COBL: variants seen among roughly 807,000 people sequenced by gnomAD.
COBL encodes the protein protein cordon-bleu.
Under a neutral mutation model 98.8 loss-of-function variants are expected in COBL, and 51 were observed. The observed-to-expected ratio is 0.52, with a 90% confidence interval of 0.41 to 0.65. The LOEUF (loss-of-function observed/expected upper bound fraction) is 0.65, where lower values mean the gene tolerates loss of function less well. Among genes scored for constraint, COBL ranks in the 30% least tolerant of loss-of-function variants. The pLI, the probability that COBL is intolerant of heterozygous loss-of-function variation, is 0.00. For synonymous variants in COBL, 634 were observed against 651.7 expected, an observed-to-expected ratio of 0.97 and a Z score of 0.41; for missense variants, 1,617 against 1,617.5, an observed-to-expected ratio of 1.00 and a Z score of 0.01.
chr7:51,121,750 T>C (rs1797757621), intron 6 of COBL, among the ~76,000 whole-genome samples: 1 of 152,244 alleles, frequency 6.6e-6, no homozygotes, highest in African/African-American at 2.4e-5. Context: ...CTGATTTATA[T>C]TTGAAAACCC....
chr7:51,141,399 T>A (rs572352118), intron 5 of COBL, among the ~76,000 whole-genome samples: 30 of 152,086 alleles, frequency 2.0e-4, no homozygotes, highest in Non-Finnish European at 4.0e-4. Context: ...GGACATGATG[T>A]TTGCTGTTTT....
intron 1 of COBL, among the ~76,000 whole-genome samples, chr7:51,236,738 T>C (rs576596958): frequency 6.6e-6 from 1 of 152,154 alleles, no homozygotes; most frequent in East Asian, 1.9e-4. Flanking sequence ...AATACCTACT[T>C]CCCAGGTGCA....
At chr7:51,204,695 T>TA (rs1245610935) in intron 2 of COBL, among the ~76,000 whole-genome samples, 1 of 151,846 alleles carries the variant, frequency 6.6e-6, no homozygotes, top group African/African-American at 2.4e-5. Context: ...GGACTACAGG[T>TA]ATGCACCACC....
intron 1 of COBL, among the ~76,000 whole-genome samples, chr7:51,297,631 G>A (rs1801541830): frequency 6.6e-6 from 1 of 151,998 alleles, no homozygotes; most frequent in African/African-American, 2.4e-5. Context: ...GACCTCAGGT[G>A]ATCTGCCCGC....
intron 2 of COBL, among the ~76,000 whole-genome samples, chr7:51,199,203 T>C (rs1323406490): frequency 6.6e-6 from 1 of 152,170 alleles, no homozygotes; most frequent in African/African-American, 2.4e-5. Context: ...TTCATACCCT[T>C]GGTGACAGGT....
chr7:51,029,589 T>C lies in COBL; in HGVS notation c.1507A>G (p.Met503Val), dbSNP rs1475090100. The change falls in exon 10 of 13, where the codon ATG (methionine) becomes GTG (valine). Residue 503 changes from methionine to valine, a missense_variant and splice_region_variant. Met to Val is a conservative substitution (Grantham distance 21). This residue lies in a region of COBL where 1,304 missense variants were observed against 1,282.0 expected (regional missense o/e 1.02). Transcript: ENST00000265136. Reference protein sequence around the residue: ...LAELDEDLEEMEDSYETDTSS... With the variant: ...LAELDEDLEEVEDSYETDTSS... ...GTGTCTGTTTCATAGCTGTCTTCCATTTCTGCAAAGAGGGACAAACACAAA... is the reference window on the plus strand; with the variant it reads ...GTGTCTGTTTCATAGCTGTCTTCCACTTCTGCAAAGAGGGACAAACACAAA... The C allele has an allele frequency of 2.5e-6, 4 of 1,585,118 alleles. No individual in the cohort carries two copies. The highest frequency in any genetic ancestry group is 3.4e-6 in the Non-Finnish European group (4 of 1,160,230).
chr7:51,095,508 A>G (rs573250233), intron 6 of COBL, among the ~76,000 whole-genome samples: 1 of 152,364 alleles, frequency 6.6e-6, no homozygotes, highest in South Asian at 2.1e-4. Context: ...CAAAATAGTA[A>G]CAAGTCCTTC....
At position 51,220,410 on chromosome 7, in the gene COBL, G is replaced by A. The variant is rs546621785; in HGVS notation, c.42-466C>T. Among the ~76,000 whole-genome samples the A allele has an allele frequency of 8.5e-5, 13 of 152,242 alleles. No individual in the cohort carries two copies. In the South Asian group the frequency reaches 1.0e-3, roughly 12 times the overall value. On this transcript the variant is annotated intron_variant, in intron 1 of 12. Coordinates refer to ENST00000265136, the MANE Select transcript of COBL (RefSeq NM_015198.5). ...CTGGAGTCCATGGATCCATGATCTC[G>A]AGGATGTGTTGTGCTAAATTAGCCA...
intron 7 of COBL, among the ~76,000 whole-genome samples, chr7:51,057,025 C>A (rs1314704067): frequency 6.6e-6 from 1 of 152,212 alleles, no homozygotes; most frequent in Non-Finnish European, 1.5e-5. Flanking sequence ...CCTGTCCCAC[C>A]ATGAATGGGA....
intron 8 of COBL, among the ~76,000 whole-genome samples, chr7:51,042,632 G>A (rs1177369478): frequency 6.6e-6 from 1 of 152,156 alleles, no homozygotes; most frequent in Non-Finnish European, 1.5e-5. Context: ...AAAATGTTGG[G>A]ATTACGGGCA....
At chr7:51,263,260 A>G (rs1196754594) in intron 1 of COBL, among the ~76,000 whole-genome samples, 1 of 152,192 alleles carries the variant, frequency 6.6e-6, no homozygotes, top group Non-Finnish European at 1.5e-5. Flanking sequence ...GGCTCCTATG[A>G]GCAAGAGCAC....
In COBL at chr7:51,029,064, C is replaced by T. The variant is rs780660285; in HGVS notation, c.2032G>A (p.Asp678Asn). 1.5e-5 allele frequency: 25 copies of T among 1,614,076 alleles called. No homozygotes were observed. Among genetic ancestry groups the T allele is most frequent in the East Asian group, 6.7e-5 (3 of 44,890 alleles). ...GTTGGTGCCAAGGCAGCGTTTTTATCGTTGCTGTCCTTTTCATTCACCGGT... is the reference window on the plus strand; with the variant it reads ...GTTGGTGCCAAGGCAGCGTTTTTATTGTTGCTGTCCTTTTCATTCACCGGT... ...SQPVNEKDSN[D>N]KNAALAPTSW... Residue 678 changes from aspartate to asparagine, a missense_variant, in exon 10 of 13, where the codon GAT becomes AAT. Coordinates refer to ENST00000265136, the MANE Select transcript of COBL (RefSeq NM_015198.5).
At chr7:51,204,403 A>C (rs1791452138) in intron 2 of COBL, among the ~76,000 whole-genome samples, 1 of 152,200 alleles carries the variant, frequency 6.6e-6, no homozygotes, top group Non-Finnish European at 1.5e-5. Context: ...AAAGGCACAT[A>C]CATCAAAAAA....
At chr7:51,160,858 C>G (rs571291298) in intron 5 of COBL, among the ~76,000 whole-genome samples, 2 of 152,160 alleles carry the variant, frequency 1.3e-5, no homozygotes, top group East Asian at 3.9e-4. Flanking sequence ...GATTCTCCTA[C>G]TCTACTCTTA....
intron 1 of COBL, among the ~76,000 whole-genome samples, chr7:51,258,304 C>G (rs185176959): frequency 3.7e-4 from 57 of 152,258 alleles, no homozygotes; most frequent in African/African-American, 1.3e-3. Context: ...CCCCAGGAAT[C>G]TCCAGATTCA....
chr7:51,037,858 T>A (rs537189253), intron 8 of COBL, among the ~76,000 whole-genome samples: 1 of 152,320 alleles, frequency 6.6e-6, no homozygotes, highest in Non-Finnish European at 1.5e-5. Flanking sequence ...TTCTAATAAT[T>A]ATTATTTTTT....
At chr7:51,248,057 T>C (rs1796409265) in intron 1 of COBL, among the ~76,000 whole-genome samples, 1 of 151,966 alleles carries the variant, frequency 6.6e-6, no homozygotes, top group African/African-American at 2.4e-5. Flanking sequence ...GAGAATTGTC[T>C]GAGTCAGGGA....
intron 3 of COBL, among the ~76,000 whole-genome samples, 181 bp downstream of exon 3, chr7:51,193,198 A>G (rs2129058398): frequency 6.6e-6 from 1 of 152,352 alleles, no homozygotes; most frequent in Admixed American, 6.5e-5. Context: ...ACATTATTCA[A>G]TTGTGTACAT....
chr7:51,190,598 G>A (rs1055141133), intron 4 of COBL, among the ~76,000 whole-genome samples: 5 of 152,128 alleles, frequency 3.3e-5, no homozygotes, highest in Admixed American at 1.3e-4. Context: ...TACTTATGTC[G>A]TGGAAGTTTG....
Sources: gnomAD v4.1 joint callset for allele counts (sites outside exome capture counted in the v4.1 genomes callset) on GRCh38, gnomAD v4.1.1 for gene constraint, gnomAD v4.1.1 regional missense constraint, MANE v1.5 for transcripts, NCBI Gene and HGNC (gene_info 2026-07-23, HGNC 2026-07-21) for gene names.